DGKB: variants seen among roughly 807,000 people sequenced by gnomAD.
DGKB encodes 90 kDa diacylglycerol kinase.
Under a neutral mutation model 114.3 loss-of-function variants are expected in DGKB, and 67 were observed. The observed-to-expected ratio is 0.59, with a 90% CI of 0.48 to 0.72. The LOEUF (loss-of-function observed/expected upper bound fraction) is 0.72, where lower values mean the gene tolerates loss of function less well. Ranked by LOEUF, DGKB falls within the 30% of genes least tolerant of loss-of-function variation. The pLI, the probability that DGKB is intolerant of heterozygous loss-of-function variation, is 0.00. For missense variants in DGKB, 907 were observed against 975.2 expected (o/e 0.93, Z 0.93); for synonymous variants, 398 against 323.1 (o/e 1.23, Z -2.49).
At chr7:14,823,717 G>A (rs115830809) in intron 2 of DGKB, among the ~76,000 whole-genome samples, 1 of 152,102 alleles carries the variant, frequency 6.6e-6, no homozygotes, top group Non-Finnish European at 1.5e-5. Context: ...TTAGAAGAAA[G>A]TGAGGCTAAA....
chr7:14,421,040 G>T (rs1460586347), intron 21 of DGKB, among the ~76,000 whole-genome samples: 2 of 152,172 alleles, frequency 1.3e-5, no homozygotes, highest in East Asian at 1.9e-4. Flanking sequence ...ATTTGCATAA[G>T]GTGCCAATCC....
At chr7:14,156,003 G>C (rs1782963113) in intron 25 of DGKB, among the ~76,000 whole-genome samples, 1 of 152,152 alleles carries the variant, frequency 6.6e-6, no homozygotes, top group South Asian at 2.1e-4. Context: ...TATATGAATA[G>C]CAGATGTTAG....
At chr7:14,785,908 C>A (rs1471811311) in intron 2 of DGKB, among the ~76,000 whole-genome samples, 1 of 139,564 alleles carries the variant, frequency 7.2e-6, no homozygotes, top group South Asian at 2.1e-4. Flanking sequence ...TTTTTTTTTG[C>A]AAGAGCTGTA....
intron 6 of DGKB, among the ~76,000 whole-genome samples, chr7:14,717,951 T>A (rs1828490006): frequency 6.6e-6 from 1 of 152,206 alleles, no homozygotes; most frequent in African/African-American, 2.4e-5. Context: ...AGTAATTATT[T>A]ACTTTCAACT....
At chr7:14,480,901 CTTAAAG>C (rs2128911217) in intron 20 of DGKB, among the ~76,000 whole-genome samples, 1 of 151,992 alleles carries the variant, frequency 6.6e-6, no homozygotes, top group South Asian at 2.1e-4. Context: ...CCAGTATTTT[CTTAAAG>C]TTAAATGAGA....
At chr7:14,370,586 C>T (rs1256605113) in intron 21 of DGKB, among the ~76,000 whole-genome samples, 1 of 152,038 alleles carries the variant, frequency 6.6e-6, no homozygotes, top group East Asian at 1.9e-4. Context: ...TTGTTTGTGT[C>T]TTCTCTTATT....
chr7:14,234,797 T>G (rs1342845487), intron 23 of DGKB, among the ~76,000 whole-genome samples: 1 of 152,084 alleles, frequency 6.6e-6, no homozygotes, highest in African/African-American at 2.4e-5. Flanking sequence ...GTATTCACTT[T>G]AAAGCAATGT....
chr7:14,856,704 A>G (rs1398998037), intron 1 of DGKB, among the ~76,000 whole-genome samples: 2 of 152,034 alleles, frequency 1.3e-5, no homozygotes, highest in East Asian at 1.9e-4. Context: ...TATTCTATTA[A>G]TGAAGATTTA....
chr7:14,163,126 C>G (rs1784143586), intron 25 of DGKB, among the ~76,000 whole-genome samples: 1 of 152,012 alleles, frequency 6.6e-6, no homozygotes, highest in African/African-American at 2.4e-5. Context: ...TTATATATTC[C>G]AGAGACACCT....
chr7:14,821,530 A>T (rs1441568035), intron 2 of DGKB, among the ~76,000 whole-genome samples: 1 of 152,148 alleles, frequency 6.6e-6, no homozygotes, highest in Non-Finnish European at 1.5e-5. Flanking sequence ...AGCTTGGGAA[A>T]AATAAAAATA....
intron 1 of DGKB, among the ~76,000 whole-genome samples, chr7:14,923,786 G>T (rs895445739): frequency 6.6e-6 from 1 of 151,972 alleles, no homozygotes; most frequent in African/African-American, 2.4e-5. Flanking sequence ...CCTGAGGTCA[G>T]GAGTTTGAGA....
chr7:14,753,796 T>C (rs1293890673), intron 4 of DGKB, 132 bp downstream of exon 4: 7 of 686,578 alleles, frequency 1.0e-5, no homozygotes, highest in East Asian at 8.5e-5. Context: ...ATGAGTATTA[T>C]AGGCAACCTT....
intron 15 of DGKB, among the ~76,000 whole-genome samples, chr7:14,615,665 T>A (rs1806376179): frequency 6.6e-6 from 1 of 151,874 alleles, no homozygotes; most frequent in African/African-American, 2.4e-5. Context: ...CCAATATGGA[T>A]ATACAGGAAT....
intron 1 of DGKB, among the ~76,000 whole-genome samples, chr7:14,973,527 GTTT>G (rs11300261): frequency 2.6e-4 from 36 of 137,312 alleles, no homozygotes; most frequent in Non-Finnish European, 4.6e-4. Context: ...TTGTTTTTTT[GTTT>G]TTTTTTTCTT....
chr7:14,889,892 G>A (rs1002279836), intron 1 of DGKB, among the ~76,000 whole-genome samples: 3 of 151,400 alleles, frequency 2.0e-5, no homozygotes, highest in East Asian at 1.9e-4. Context: ...GTCAAAATAA[G>A]TTTTTCAATT....
chr7:14,546,232 T>C (rs902351383), intron 20 of DGKB, among the ~76,000 whole-genome samples: 6 of 152,202 alleles, frequency 3.9e-5, no homozygotes, highest in African/African-American at 1.4e-4. Context: ...TGAATTTCTT[T>C]TTTAATTTTT....
In DGKB at chr7:14,153,540, G is replaced by C. The variant is rs541606155; in HGVS notation, c.2305-4302C>G. Reference sequence around the variant, plus strand: ...CATAACATCAGTCAAGTGGGTAAATGCAAGAGCTGGGTTTGATAGTTGACT... The same window carrying C: ...CATAACATCAGTCAAGTGGGTAAATCCAAGAGCTGGGTTTGATAGTTGACT... On this transcript the variant is annotated intron_variant, in intron 25 of 25. Coordinates refer to ENST00000402815, the MANE Select transcript of DGKB (RefSeq NM_001350709.2). Among the ~76,000 whole-genome samples, 7 of 152,168 alleles carry C rather than the reference G, an allele frequency of 4.6e-5. No homozygotes were observed. The East Asian group carries it at 1.4e-3, about 29-fold the overall frequency.
rs769066198 is a variant in DGKB at position 14,148,988 on chromosome 7, C to T, written c.*143G>A. The stretch of plus-strand genomic sequence containing the variant: ...TAAATTTTCTAATAGCTGAATTTTA[C>T]ATTAGCTTAGTAACAAAAACTGTTA... On this transcript the variant is annotated 3_prime_UTR_variant, in exon 26 of 26. Coordinates refer to ENST00000402815, the MANE Select transcript of DGKB (RefSeq NM_001350709.2). The T allele has an allele frequency of 4.3e-6, 3 of 694,298 alleles. No individual in the cohort carries two copies. The highest frequency in any genetic ancestry group is 1.8e-5 in the South Asian group (1 of 55,962). 43.0% of individuals were successfully genotyped at this position (694,298 alleles called of 1,614,324 possible).
At chr7:14,634,191 T>C (rs1810289209) in intron 13 of DGKB, among the ~76,000 whole-genome samples, 2 of 151,316 alleles carry the variant, frequency 1.3e-5, no homozygotes, top group Non-Finnish European at 3.0e-5. Flanking sequence ...ATGTTTGCTA[T>C]CTTGCCTCAT....
Sources: gnomAD v4.1 joint callset for allele counts (sites outside exome capture counted in the v4.1 genomes callset) on GRCh38, gnomAD v4.1.1 for gene constraint, MANE v1.5 for transcripts, NCBI Gene and HGNC (gene_info 2026-07-23, HGNC 2026-07-21) for gene names.